Variants in IL1RAPL2 observed in about 807,000 individuals in gnomAD.
The protein encoded by IL1RAPL2 is interleukin 1 receptor accessory protein like 2.
Under a neutral mutation model 44.1 loss-of-function variants are expected in IL1RAPL2, and 3 were observed. The ratio of observed to expected loss-of-function variants is 0.07; its 90% CI spans 0.03 to 0.18. IL1RAPL2 has a LOEUF of 0.18. IL1RAPL2 is among the 10% of genes least tolerant of loss of function. IL1RAPL2 has a pLI of 1.00. For missense variants in IL1RAPL2, 391 were observed against 496.4 expected (o/e 0.79, Z 2.02); for synonymous variants, 181 against 178.8 (o/e 1.01, Z -0.10).
At chrX:105,431,449 C>A (rs2147750965) in intron 5 of IL1RAPL2, among the ~76,000 whole-genome samples, 1 of 111,428 alleles carries the variant, frequency 9.0e-6, no homozygotes, top group Admixed American at 9.6e-5. Context: ...GCACCATAAC[C>A]TCCCTTATAG....
chrX:105,485,093 A>G (rs900298686), intron 6 of IL1RAPL2, among the ~76,000 whole-genome samples: 16 of 111,719 alleles, frequency 1.4e-4, no homozygotes, highest in African/African-American at 5.2e-4. Flanking sequence ...GCGAGATTTC[A>G]TCTGTCTTGG....
intron 6 of IL1RAPL2, among the ~76,000 whole-genome samples, chrX:105,677,677 G>C (rs1236119325): frequency 9.0e-6 from 1 of 111,020 alleles, no homozygotes; most frequent in Non-Finnish European, 1.9e-5. Context: ...GGAAGAAGGG[G>C]CTGTCCTCTG....
chrX:105,202,561 C>G (rs1556147309), intron 3 of IL1RAPL2, among the ~76,000 whole-genome samples: 1 of 112,080 alleles, frequency 8.9e-6, no homozygotes, highest in Non-Finnish European at 1.9e-5. Flanking sequence ...GCCACTACCT[C>G]CTATTTTTCT....
intron 5 of IL1RAPL2, among the ~76,000 whole-genome samples, chrX:105,332,651 TAAAC>T (rs755071536): frequency 2.7e-5 from 3 of 111,888 alleles, no homozygotes; most frequent in Non-Finnish European, 3.8e-5. Context: ...TTAGAACTAA[TAAAC>T]AAATTCAGTT....
intron 5 of IL1RAPL2, among the ~76,000 whole-genome samples, chrX:105,440,437 G>A (rs1191833780): frequency 5.4e-5 from 6 of 111,755 alleles, no homozygotes; most frequent in Non-Finnish European, 9.4e-5. Context: ...TTTAGACCAC[G>A]GAACTCTGAC....
chrX:105,115,661 C>T (rs963104674), intron 2 of IL1RAPL2, among the ~76,000 whole-genome samples: 6 of 113,110 alleles, frequency 5.3e-5, no homozygotes, highest in African/African-American at 1.9e-4. Flanking sequence ...CAAGTCCCCA[C>T]CAGACTCAGG....
intron 2 of IL1RAPL2, among the ~76,000 whole-genome samples, chrX:104,729,203 T>C (rs778863834): frequency 9.0e-6 from 1 of 111,573 alleles, no homozygotes; most frequent in Non-Finnish European, 1.9e-5. Flanking sequence ...TAAATTCAAG[T>C]ATAAAATTAA....
At chrX:104,661,652 C>G (rs1168378698) in intron 2 of IL1RAPL2, among the ~76,000 whole-genome samples, 1 of 109,885 alleles carries the variant, frequency 9.1e-6, no homozygotes, top group Non-Finnish European at 1.9e-5. Context: ...TTTGCACTTT[C>G]ATTATCATAG....
chrX:104,987,912 C>G (rs5963015), intron 2 of IL1RAPL2, among the ~76,000 whole-genome samples: 43,571 of 110,423 alleles, frequency 0.39, 7,455 homozygotes, highest in East Asian at 0.67. Flanking sequence ...ATTTTGTAGA[C>G]TGTTAGTGGA....
At chrX:104,939,526 A>G (rs1226002603) in intron 2 of IL1RAPL2, among the ~76,000 whole-genome samples, 2 of 111,993 alleles carry the variant, frequency 1.8e-5, no homozygotes, top group African/African-American at 6.5e-5. Flanking sequence ...TATAAGAAAG[A>G]GGTGAAAAAT....
intron 3 of IL1RAPL2, among the ~76,000 whole-genome samples, chrX:105,213,795 G>A (rs2033828039): frequency 9.0e-6 from 1 of 111,195 alleles, no homozygotes; most frequent in Non-Finnish European, 1.9e-5. Flanking sequence ...AACCCTACAA[G>A]CCAGAAGAGA....
intron 4 of IL1RAPL2, among the ~76,000 whole-genome samples, chrX:105,236,793 G>T (rs2034123677): frequency 9.0e-6 from 1 of 111,438 alleles, no homozygotes; most frequent in African/African-American, 3.3e-5. Flanking sequence ...TGGATAGTCT[G>T]CCTTGCCTAC....
At chrX:104,608,662 CTT>C (rs60105376) in intron 1 of IL1RAPL2, among the ~76,000 whole-genome samples, 817 of 58,461 alleles carry the variant, frequency 0.014, 16 homozygotes, top group African/African-American at 0.065. Flanking sequence ...GCAACCCCTG[CTT>C]TTTTTTTTTT....
In IL1RAPL2 at chrX:105,141,010, T is replaced by G. The variant is rs375453741; in HGVS notation, c.83-54465T>G. Among the ~76,000 whole-genome samples, 4 of 111,823 alleles carry G rather than the reference T, an allele frequency of 3.6e-5. No individual in the cohort carries two copies. The East Asian group carries it at 1.1e-3, about 32-fold the overall frequency. ...CCCTGATATTCACATCCTTATTTAT[T>G]CTGATAAATGAATCTATAATGTGTC... On this transcript the variant is annotated intron_variant, in intron 2 of 10. Transcript: ENST00000372582.
chrX:104,632,875 A>G (rs1420735378), intron 1 of IL1RAPL2, among the ~76,000 whole-genome samples: 1 of 110,509 alleles, frequency 9.0e-6, no homozygotes, highest in Admixed American at 9.7e-5. Flanking sequence ...TTCCAACACT[A>G]TGTTGAATAG....
chrX:105,637,260 G>C (rs2037530890), intron 6 of IL1RAPL2, among the ~76,000 whole-genome samples: 2 of 111,155 alleles, frequency 1.8e-5, no homozygotes, highest in African/African-American at 6.5e-5. Context: ...TTTATTCTTG[G>C]GTGTTTTTCC....
At chrX:105,681,611 A>AGTT (rs753692748) in intron 6 of IL1RAPL2, among the ~76,000 whole-genome samples, 1 of 111,522 alleles carries the variant, frequency 9.0e-6, no homozygotes, top group Non-Finnish European at 1.9e-5. Context: ...TACAAAAATT[A>AGTT]GTTGGGTGTG....
intron 5 of IL1RAPL2, among the ~76,000 whole-genome samples, chrX:105,314,872 A>C (rs2034825433): frequency 8.9e-6 from 1 of 111,958 alleles, no homozygotes; most frequent in African/African-American, 3.2e-5. Context: ...GAAGAATATC[A>C]GTCCCTCTGG....
intron 5 of IL1RAPL2, among the ~76,000 whole-genome samples, chrX:105,423,373 AT>A (rs1402465784): frequency 8.9e-6 from 1 of 111,955 alleles, no homozygotes; most frequent in Non-Finnish European, 1.9e-5. Flanking sequence ...TAAGTCATTC[AT>A]TTGGCCAAAG....
Sources: gnomAD v4.1 joint callset for allele counts (sites outside exome capture counted in the v4.1 genomes callset) on GRCh38, gnomAD v4.1.1 for gene constraint, MANE v1.5 for transcripts, NCBI Gene and HGNC (gene_info 2026-07-23, HGNC 2026-07-21) for gene names.